Variants in FAM227B observed in about 807,000 individuals in gnomAD.
FAM227B encodes the protein family with sequence similarity 227 member B.
Under a neutral mutation model 73.8 loss-of-function variants are expected in FAM227B, and 88 were observed. That is an observed-to-expected ratio of 1.19 (90% CI 1.00 to 1.42). FAM227B has a LOEUF of 1.42. Ranked by LOEUF, FAM227B falls within the 40% of genes most tolerant of loss-of-function variation. FAM227B has a pLI of 0.00. For synonymous variants in FAM227B, 210 were observed against 190.5 expected (o/e 1.10, Z -0.84); for missense variants, 632 against 590.9 (o/e 1.07, Z -0.72).
At chr15:49,505,629 A>G (rs1314945582) in intron 11 of FAM227B, among the ~76,000 whole-genome samples, 1 of 152,100 alleles carries the variant, frequency 6.6e-6, no homozygotes, top group Admixed American at 6.6e-5. Context: ...GCAAGCATTA[A>G]AGCAGCCTCA....
intron 9 of FAM227B, among the ~76,000 whole-genome samples, chr15:49,557,304 A>G (rs369156028): frequency 8.6e-5 from 13 of 152,038 alleles, no homozygotes; most frequent in African/African-American, 3.1e-4. Flanking sequence ...CCTTTAATTG[A>G]GGGACATAAA....
intron 9 of FAM227B, among the ~76,000 whole-genome samples, chr15:49,565,994 C>CT (rs1415710600): frequency 3.3e-5 from 5 of 152,178 alleles, no homozygotes; most frequent in Admixed American, 6.5e-5. Flanking sequence ...ATTGGTCCTG[C>CT]TGACACCTTG....
At chr15:49,477,493 C>G (rs1458795935) in intron 11 of FAM227B, among the ~76,000 whole-genome samples, 1 of 152,168 alleles carries the variant, frequency 6.6e-6, no homozygotes, top group Non-Finnish European at 1.5e-5. Flanking sequence ...TTCCCCTTGT[C>G]TTTTTGTGGC....
intron 10 of FAM227B, among the ~76,000 whole-genome samples, chr15:49,522,478 G>C (rs1840456682): frequency 6.6e-6 from 1 of 151,952 alleles, no homozygotes; most frequent in Non-Finnish European, 1.5e-5. Flanking sequence ...GACACATAAA[G>C]AATTCAAAAT....
chr15:49,496,236 A>G (rs1356633063), intron 11 of FAM227B, among the ~76,000 whole-genome samples: 1 of 152,112 alleles, frequency 6.6e-6, no homozygotes, highest in African/African-American at 2.4e-5. Flanking sequence ...TGTACTAGGT[A>G]CATAAAAGTA....
Position 49,328,499 on chromosome 15 carries a change from TGTTACAATTA to T in FAM227B, c.*59_*68del. 6.3e-7 allele frequency: 1 copy of T among 1,580,790 alleles called. No individual in the cohort carries two copies. Among genetic ancestry groups the T allele is most frequent in the Admixed American group, 1.8e-5 (1 of 56,440 alleles). On this transcript the variant is annotated 3_prime_UTR_variant, in exon 16 of 16. Coordinates refer to ENST00000299338, the MANE Select transcript of FAM227B (RefSeq NM_152647.3). ...TGGATTGGACTTGAATTAAATATAT[TGTTACAATTA>T]AACTGATACCACTGAATTGTATGCA... is the stretch of plus-strand genomic sequence containing the variant.
chr15:49,585,737 A>G (rs1198098648), intron 5 of FAM227B, among the ~76,000 whole-genome samples: 1 of 152,178 alleles, frequency 6.6e-6, no homozygotes, highest in Non-Finnish European at 1.5e-5. Context: ...GATATACCTA[A>G]TGCTAAATGA....
chr15:49,398,123 C>T (rs928462189), intron 11 of FAM227B, among the ~76,000 whole-genome samples: 10 of 152,080 alleles, frequency 6.6e-5, no homozygotes, highest in African/African-American at 2.2e-4. Context: ...CAGAGACACA[C>T]ATAGGCTCAA....
intron 10 of FAM227B, 86 bp downstream of exon 10, chr15:49,541,594 A>G: frequency 1.7e-6 from 2 of 1,202,962 alleles, no homozygotes; most frequent in Non-Finnish European, 2.2e-6. Context: ...AACTACCAAT[A>G]TTTTTGGATG....
At chr15:49,551,219 C>T (rs76272991) in intron 9 of FAM227B, among the ~76,000 whole-genome samples, 28,797 of 151,940 alleles carry the variant, frequency 0.19, 3,464 homozygotes, top group East Asian at 0.32. Flanking sequence ...TGCAGTGGGC[C>T]GAGATGGCAG....
chr15:49,523,278 C>T (rs1417735436), intron 10 of FAM227B, among the ~76,000 whole-genome samples: 2 of 152,058 alleles, frequency 1.3e-5, no homozygotes, highest in African/African-American at 4.8e-5. Flanking sequence ...AGGAGGGTTG[C>T]AGTGGGAAGT....
chr15:49,520,669 A>C (rs1313092724), intron 10 of FAM227B, among the ~76,000 whole-genome samples: 1 of 152,112 alleles, frequency 6.6e-6, no homozygotes, highest in Non-Finnish European at 1.5e-5. Context: ...CCTTTATAAA[A>C]CCATCAGATC....
At chr15:49,529,683 G>A (rs1163887016) in intron 10 of FAM227B, among the ~76,000 whole-genome samples, 1 of 151,658 alleles carries the variant, frequency 6.6e-6, no homozygotes, top group Non-Finnish European at 1.5e-5. Context: ...GACATTGATA[G>A]AGTCAAGATA....
chr15:49,563,877 T>C (rs1310247186), intron 9 of FAM227B, among the ~76,000 whole-genome samples: 4 of 152,264 alleles, frequency 2.6e-5, no homozygotes, highest in Non-Finnish European at 4.4e-5. Flanking sequence ...TGTAATACTA[T>C]AAAAATCCTA....
At chr15:49,409,168 C>T (rs1236982502) in intron 11 of FAM227B, among the ~76,000 whole-genome samples, 3 of 152,042 alleles carry the variant, frequency 2.0e-5, no homozygotes, top group Non-Finnish European at 4.4e-5. Flanking sequence ...GCAAGTTTCA[C>T]TTCAGTATTG....
chr15:49,393,051 C>A (rs1264285708), intron 11 of FAM227B, among the ~76,000 whole-genome samples: 1 of 152,104 alleles, frequency 6.6e-6, no homozygotes. Context: ...TACATAGTTA[C>A]CTGTTACTGT....
At chr15:49,610,565 A>G (rs1680451765) in intron 3 of FAM227B, among the ~76,000 whole-genome samples, 1 of 152,102 alleles carries the variant, frequency 6.6e-6, no homozygotes, top group African/African-American at 2.4e-5. Flanking sequence ...AATGTAAATT[A>G]TTTATATTCC....
At chr15:49,407,559 G>T (rs2048599170) in intron 11 of FAM227B, among the ~76,000 whole-genome samples, 1 of 151,004 alleles carries the variant, frequency 6.6e-6, no homozygotes, top group African/African-American at 2.4e-5. Context: ...TTAACACTGA[G>T]ATTCAAATAT....
intron 11 of FAM227B, among the ~76,000 whole-genome samples, chr15:49,456,278 T>C (rs1399178814): frequency 1.3e-5 from 2 of 152,130 alleles, no homozygotes; most frequent in Admixed American, 6.6e-5. Context: ...ATGATCATAA[T>C]AGAATGCTTT....
Sources: gnomAD v4.1 joint callset for allele counts (sites outside exome capture counted in the v4.1 genomes callset) on GRCh38, gnomAD v4.1.1 for gene constraint, MANE v1.5 for transcripts, NCBI Gene and HGNC (gene_info 2026-07-23, HGNC 2026-07-21) for gene names.